Variants in CCNDBP1 observed in about 807,000 individuals in gnomAD.
CCNDBP1 encodes the protein cyclin D1 binding protein 1.
A neutral mutation model predicts 46.2 loss-of-function variants in CCNDBP1; 45 were observed. The observed-to-expected ratio is 0.97, with a 90% CI of 0.77 to 1.25. The LOEUF (loss-of-function observed/expected upper bound fraction) is 1.25. Among genes scored for constraint, CCNDBP1 ranks in the 50% most tolerant of loss-of-function variants. The pLI, the probability that CCNDBP1 is intolerant of heterozygous loss-of-function variation, is 0.00. For synonymous variants in CCNDBP1, 154 were observed against 163.6 expected, an observed-to-expected ratio of 0.94 and a Z score of 0.45; for missense variants, 436 against 442.1, an observed-to-expected ratio of 0.99 and a Z score of 0.12.
chr15:43,192,618 G>C, intron 8 of CCNDBP1, 125 bp from the exon 9 acceptor site: 1 of 795,166 alleles, frequency 1.3e-6, no homozygotes, highest in Non-Finnish European at 2.1e-6. Flanking sequence ...TTGCCCAGTT[G>C]CCCAATTTTA....
intron 3 of CCNDBP1, among the ~76,000 whole-genome samples, chr15:43,186,817 C>T (rs2041855499): frequency 6.6e-6 from 1 of 152,170 alleles, no homozygotes; most frequent in Non-Finnish European, 1.5e-5. Context: ...TGCATATATA[C>T]ATTCATATAC....
intron 3 of CCNDBP1, among the ~76,000 whole-genome samples, chr15:43,186,516 C>T (rs2041843109): frequency 6.6e-6 from 1 of 152,068 alleles, no homozygotes; most frequent in African/African-American, 2.4e-5. Context: ...TGGGTGTTTT[C>T]ACATACTTGA....
intron 3 of CCNDBP1, among the ~76,000 whole-genome samples, chr15:43,186,729 G>A (rs954641799): frequency 1.3e-5 from 2 of 152,220 alleles, no homozygotes. Flanking sequence ...ATATCAAAGT[G>A]TGTTAAGTTT....
In CCNDBP1 at chr15:43,195,076, C is replaced by G. The variant is rs1250926791; in HGVS notation, c.*235C>G. On this transcript the variant is annotated 3_prime_UTR_variant, in exon 11 of 11. Transcript: ENST00000300213. ...AAAAATAATTGCATGATTTCTCATT[C>G]CTGAGTCATTTCTCAGAGATTCCTA... 3 of 363,368 alleles carry G rather than the reference C, an allele frequency of 8.3e-6. No homozygotes were observed. The highest frequency in any genetic ancestry group is 1.5e-5 in the Non-Finnish European group (3 of 203,850). 22.5% of individuals were successfully genotyped at this position (363,368 alleles called of 1,614,324 possible). A position where few individuals can be genotyped will look rare whatever the true frequency, so the allele number is the denominator to read the frequency against.
Position 43,194,427 on chromosome 15 carries a change from G to A in CCNDBP1, c.934G>A (p.Val312Ile). ...LTVRINSAKL[V>I]SVLKKALEIT... ...GTTTCTTTTCTAGTCTGCGAAACTT[G>A]TATCTGTTTTAAAGAAGGCACTTGA... Residue 312 changes from valine (V) to isoleucine (I), a missense_variant, in exon 10 of 11, where the codon GTA becomes ATA. By Grantham distance (29) the Val-to-Ile change is conservative (BLOSUM62 3). Transcript: ENST00000300213. The A allele has an allele frequency of 6.2e-7, 1 of 1,606,126 alleles. No homozygotes were observed. The highest frequency in any genetic ancestry group is 2.2e-5 in the East Asian group (1 of 44,452).
chr15:43,194,200 T>C (rs1027932930), intron 9 of CCNDBP1: 1 of 485,342 alleles, frequency 2.1e-6, no homozygotes, highest in Non-Finnish European at 3.6e-6. Context: ...AAAAATCTTA[T>C]TAAAATGTTA....
intron 8 of CCNDBP1, among the ~76,000 whole-genome samples, chr15:43,192,269 T>C (rs2041966099): frequency 6.6e-6 from 1 of 152,212 alleles, no homozygotes; most frequent in Non-Finnish European, 1.5e-5. Flanking sequence ...TTAGTTCTCA[T>C]TTTTGCAAGA....
chr15:43,192,763 G>A lies in CCNDBP1; in HGVS notation c.881G>A (p.Ser294Asn), dbSNP rs1432510183. ...CTTAGTGTGGATGATTTGGCTCTGA[G>A]CATATATCCACCTATGTGTCACCTG... ...ISPSVDDLALSIYPPMCHLTV... is the reference protein window; with the variant it reads ...ISPSVDDLALNIYPPMCHLTV... The change falls in exon 9 of 11, where the codon AGC (serine) becomes AAC (asparagine). Residue 294 changes from serine to asparagine, a missense_variant. By Grantham distance (46) the Ser-to-Asn change is conservative. Transcript: ENST00000300213. The A allele has an allele frequency of 6.2e-7, 1 of 1,614,010 alleles. No individual in the cohort carries two copies. Among genetic ancestry groups the A allele is most frequent in the Non-Finnish European group, 8.5e-7 (1 of 1,180,012 alleles).
chr15:43,189,099 A>AG lies in CCNDBP1; in HGVS notation c.250-100_250-99insG, dbSNP rs1358315021. 35 of 477,744 alleles carry AG rather than the reference A, an allele frequency of 7.3e-5. 1 individual carries two copies. The highest frequency in any genetic ancestry group is 1.2e-4 in the East Asian group (3 of 24,972). 29.6% of individuals were successfully genotyped at this position (477,744 alleles called of 1,614,324 possible). A position where few individuals can be genotyped will look rare whatever the true frequency, so the allele number is the denominator to read the frequency against. Reference sequence around the variant, plus strand: ...TCTCAAAAAAAAAAAAAAAAAAAAAAAAAAAGAAAAAGAAAGAAAAGAAAA... The same window carrying AG: ...TCTCAAAAAAAAAAAAAAAAAAAAAAGAAAAAGAAAAAGAAAGAAAAGAAAA... On this transcript the variant is annotated intron_variant, in intron 3 of 10. Coordinates refer to ENST00000300213, the MANE Select transcript of CCNDBP1 (RefSeq NM_012142.5).
intron 3 of CCNDBP1, among the ~76,000 whole-genome samples, chr15:43,186,838 A>C (rs919757207): frequency 1.3e-5 from 2 of 152,144 alleles, no homozygotes; most frequent in Admixed American, 6.5e-5. Flanking sequence ...ATTTATCTGT[A>C]TGTGTCAGCT....
chr15:43,187,771 C>A (rs1048070185), intron 3 of CCNDBP1, among the ~76,000 whole-genome samples: 1 of 152,116 alleles, frequency 6.6e-6, no homozygotes, highest in Non-Finnish European at 1.5e-5. Context: ...CAGCATAGAA[C>A]TGATTTTCTA....
intron 10 of CCNDBP1, 69 bp from the exon 11 acceptor site, chr15:43,194,658 C>A: frequency 7.8e-7 from 1 of 1,275,232 alleles, no homozygotes; most frequent in Non-Finnish European, 1.1e-6. Context: ...CCTGTGCTCC[C>A]TCCTGAGGAT....
intron 4 of CCNDBP1, chr15:43,189,652 T>G: frequency 3.2e-6 from 1 of 311,422 alleles, no homozygotes; most frequent in Non-Finnish European, 5.9e-6. Flanking sequence ...AACATCTGCA[T>G]AGGTTAAATG....
rs2042028811 is a variant in CCNDBP1, at chr15:43,195,558, A to G, written c.*717A>G. The stretch of plus-strand genomic sequence containing the variant: ...AAATGTAAATACCAAATTTTTATAA[A>G]TCAAAAATTTTTTAGTGTGTAAGAG... On this transcript the variant is annotated 3_prime_UTR_variant, in exon 11 of 11. Transcript: ENST00000300213. 1 of 152,214 alleles carries G rather than the reference A, an allele frequency of 6.6e-6. No individual in the cohort carries two copies. Among genetic ancestry groups the G allele is most frequent in the South Asian group, 2.1e-4 (1 of 4,834 alleles). 9.4% of individuals were successfully genotyped at this position (152,214 alleles called of 1,614,324 possible). A position where few individuals can be genotyped will look rare whatever the true frequency, so the allele number is the denominator to read the frequency against.
chr15:43,195,571 T>C lies in CCNDBP1; in HGVS notation c.*730T>C, dbSNP rs952172417. On this transcript the variant is annotated 3_prime_UTR_variant, in exon 11 of 11. Coordinates refer to ENST00000300213, the MANE Select transcript of CCNDBP1 (RefSeq NM_012142.5). ...AAATTTTTATAAATCAAAAATTTTT[T>C]AGTGTGTAAGAGATTTTATGTAATT... is the stretch of plus-strand genomic sequence containing the variant. The C allele has an allele frequency of 2.0e-5, 3 of 152,242 alleles. No homozygotes were observed. The highest frequency in any genetic ancestry group is 7.2e-5 in the African/African-American group (3 of 41,460). 9.4% of individuals were successfully genotyped at this position (152,242 alleles called of 1,614,324 possible). A position where few individuals can be genotyped will look rare whatever the true frequency, so the allele number is the denominator to read the frequency against.
At chr15:43,186,015 G>A in intron 2 of CCNDBP1, 136 bp downstream of exon 2, 1 of 1,158,962 alleles carries the variant, frequency 8.6e-7, no homozygotes, top group Non-Finnish European at 1.3e-6. Flanking sequence ...ACCCACCTCA[G>A]CACCTGAGAG....
rs1355739188 is a variant in CCNDBP1, at chr15:43,196,538, T to C, written c.*1697T>C. The C allele has an allele frequency of 2.0e-5, 3 of 152,286 alleles. No individual in the cohort carries two copies. The highest frequency in any genetic ancestry group is 7.2e-5 in the African/African-American group (3 of 41,396). The allele number at this position is 152,286 out of a possible 1,614,324, so 9.4% of individuals were successfully genotyped here. A position where few individuals can be genotyped will look rare whatever the true frequency, so the allele number is the denominator to read the frequency against. ...CCTGACCTCAGGTGATCTGCCCACG[T>C]CAGCCTCCCAAAGTGCTGGGATTAC... is the stretch of plus-strand genomic sequence containing the variant. On this transcript the variant is annotated 3_prime_UTR_variant, in exon 11 of 11. Coordinates refer to ENST00000300213, the MANE Select transcript of CCNDBP1 (RefSeq NM_012142.5).
chr15:43,187,070 A>G (rs1042789544), intron 3 of CCNDBP1, among the ~76,000 whole-genome samples: 65 of 152,316 alleles, frequency 4.3e-4, no homozygotes, highest in African/African-American at 1.5e-3. Context: ...CGTATGCTCT[A>G]TGCTCAGTTT....
At chr15:43,191,120 C>A in intron 7 of CCNDBP1, 78 bp downstream of exon 7, 3 of 1,203,608 alleles carry the variant, frequency 2.5e-6, no homozygotes, top group Non-Finnish European at 3.7e-6. Flanking sequence ...ATTTCCTGAG[C>A]ATTGACCAGA....
Sources: allele counts gnomAD v4.1 joint callset (sites outside exome capture counted in the v4.1 genomes callset), GRCh38; gene constraint gnomAD v4.1.1; transcripts MANE v1.5; gene names NCBI Gene and HGNC (gene_info 2026-07-23, HGNC 2026-07-21).